The following ARHGAP15 variants were observed in gnomAD, a reference collection of about 807,000 sequenced individuals.
ARHGAP15 encodes the protein Rho GTPase activating protein 15, also known as rho GTPase-activating protein 15.
Under a neutral mutation model 63.7 loss-of-function variants are expected in ARHGAP15, and 51 were observed. The observed-to-expected ratio is 0.80, with a 90% CI of 0.64 to 1.01. ARHGAP15 has a LOEUF of 1.01. ARHGAP15 is among the 50% of genes least tolerant of loss of function. The pLI is 0.00. For missense variants in ARHGAP15, 560 were observed against 564.6 expected, an observed-to-expected ratio of 0.99 and a Z score of 0.08; for synonymous variants, 191 against 193.8, an observed-to-expected ratio of 0.99 and a Z score of 0.12.
chr2:143,640,823 GT>G (rs1192568306), intron 12 of ARHGAP15: 1 of 152,080 alleles, frequency 6.6e-6, no homozygotes, highest in Non-Finnish European at 1.5e-5. Context: ...GTTTATTCTA[GT>G]TGTTTCAGAA....
At chr2:143,393,651 A>T (rs1280841662) in intron 6 of ARHGAP15, among the ~76,000 whole-genome samples, 1 of 148,190 alleles carries the variant, frequency 6.7e-6, no homozygotes, top group African/African-American at 2.5e-5. Flanking sequence ...AATGGCTTGA[A>T]GCTTGGAGGC....
At chr2:143,401,033 A>G (rs1687968047) in intron 6 of ARHGAP15, among the ~76,000 whole-genome samples, 2 of 152,040 alleles carry the variant, frequency 1.3e-5, no homozygotes, top group East Asian at 1.9e-4. Flanking sequence ...GGTGCATTCC[A>G]TTTCTCATGT....
At chr2:143,560,161 G>A (rs1453322079) in intron 11 of ARHGAP15, among the ~76,000 whole-genome samples, 7 of 152,078 alleles carry the variant, frequency 4.6e-5, no homozygotes, top group Non-Finnish European at 1.0e-4. Flanking sequence ...TAAATCAGTG[G>A]GAATTAGATA....
At chr2:143,483,201 T>A (rs1559001323) in intron 8 of ARHGAP15, among the ~76,000 whole-genome samples, 1 of 152,236 alleles carries the variant, frequency 6.6e-6, no homozygotes, top group African/African-American at 2.4e-5. Context: ...GAAGACAATA[T>A]GATATACATA....
At chr2:143,357,981 A>G (rs1174531375) in intron 6 of ARHGAP15, among the ~76,000 whole-genome samples, 3 of 152,202 alleles carry the variant, frequency 2.0e-5, no homozygotes, top group African/African-American at 7.2e-5. Context: ...AAAAAATGGC[A>G]TTCATTTTGT....
At chr2:143,488,153 G>T (rs1284047890) in intron 9 of ARHGAP15, among the ~76,000 whole-genome samples, 1 of 152,212 alleles carries the variant, frequency 6.6e-6, no homozygotes, top group Admixed American at 6.5e-5. Context: ...TTTTGACATT[G>T]ATCAAGTTAT....
chr2:143,190,705 A>G (rs1558803760), intron 2 of ARHGAP15, among the ~76,000 whole-genome samples: 2 of 152,190 alleles, frequency 1.3e-5, no homozygotes, highest in Non-Finnish European at 2.9e-5. Flanking sequence ...TCTTGACCAT[A>G]TCTTCATGGT....
chr2:143,739,797 C>T (rs186990973), intron 13 of ARHGAP15, among the ~76,000 whole-genome samples: 1 of 152,224 alleles, frequency 6.6e-6, no homozygotes, highest in East Asian at 1.9e-4. Flanking sequence ...CACATCACAC[C>T]CAGCCTAGCT....
intron 1 of ARHGAP15, among the ~76,000 whole-genome samples, chr2:143,136,475 G>A (rs1051296950): frequency 1.3e-5 from 2 of 152,068 alleles, no homozygotes; most frequent in African/African-American, 2.4e-5. Flanking sequence ...ATAACAAGAA[G>A]CATATGAAAC....
intron 6 of ARHGAP15, among the ~76,000 whole-genome samples, chr2:143,426,231 C>T (rs975593386): frequency 8.5e-5 from 13 of 152,144 alleles, no homozygotes; most frequent in Admixed American, 8.5e-4. Flanking sequence ...GACTATATCA[C>T]CACCTGAGTT....
intron 13 of ARHGAP15, among the ~76,000 whole-genome samples, chr2:143,763,724 ATGTATATGTATATG>A (rs1686851012): frequency 1.4e-5 from 2 of 140,802 alleles, no homozygotes; most frequent in Admixed American, 1.4e-4. Flanking sequence ...ATGTATATGT[ATGTATATGTATATG>A]TATGTATATG....
chr2:143,613,185 C>A (rs1698324537), intron 11 of ARHGAP15, among the ~76,000 whole-genome samples: 1 of 152,134 alleles, frequency 6.6e-6, no homozygotes, highest in Admixed American at 6.5e-5. Flanking sequence ...AAACAATAAA[C>A]AAACCATCCA....
intron 8 of ARHGAP15, among the ~76,000 whole-genome samples, chr2:143,446,907 C>A (rs1690169729): frequency 2.6e-5 from 4 of 151,858 alleles, no homozygotes; most frequent in South Asian, 2.1e-4. Context: ...CAATAGTTTG[C>A]TGAGAATGAT....
At chr2:143,564,004 C>T (rs1696126304) in intron 11 of ARHGAP15, 1 of 152,356 alleles carries the variant, frequency 6.6e-6, no homozygotes, top group Admixed American at 6.5e-5. Flanking sequence ...AAGGTGTCAG[C>T]CATAGGCGGG....
At chr2:143,411,513 TTG>T (rs1688445636) in intron 6 of ARHGAP15, among the ~76,000 whole-genome samples, 1 of 152,216 alleles carries the variant, frequency 6.6e-6, no homozygotes, top group African/African-American at 2.4e-5. Flanking sequence ...TACTAGTTAT[TTG>T]TGTGTTTTGT....
chr2:143,480,711 A>T (rs767866699), intron 8 of ARHGAP15: 5 of 152,214 alleles, frequency 3.3e-5, no homozygotes, highest in Non-Finnish European at 7.3e-5. Context: ...GACCAACAGT[A>T]CATTAAGCCC....
chr2:143,226,221 T>C (rs903355780), intron 4 of ARHGAP15, among the ~76,000 whole-genome samples: 3 of 152,216 alleles, frequency 2.0e-5, no homozygotes, highest in Non-Finnish European at 4.4e-5. Flanking sequence ...ACTTCAGCTC[T>C]AACCAGTTCC....
intron 13 of ARHGAP15, among the ~76,000 whole-genome samples, chr2:143,741,829 A>AT (rs979399085): frequency 2.0e-5 from 3 of 152,086 alleles, no homozygotes; most frequent in Non-Finnish European, 2.9e-5. Flanking sequence ...TCTTGAATAC[A>AT]TTTTTTTTCC....
intron 8 of ARHGAP15, among the ~76,000 whole-genome samples, chr2:143,444,787 T>G (rs1232396981): frequency 6.6e-6 from 1 of 152,204 alleles, no homozygotes; most frequent in Non-Finnish European, 1.5e-5. Flanking sequence ...GATATTGCTT[T>G]CACCCAAAAG....
Sources: gnomAD v4.1 joint callset for allele counts (sites outside exome capture counted in the v4.1 genomes callset) on GRCh38, gnomAD v4.1.1 for gene constraint, MANE v1.5 for transcripts, NCBI Gene and HGNC (gene_info 2026-07-23, HGNC 2026-07-21) for gene names.